FREM1: variants seen among roughly 807,000 people sequenced by gnomAD.
The protein encoded by FREM1 is FRAS1 related extracellular matrix 1.
In FREM1, 220 loss-of-function variants were observed where a neutral mutation model predicts 210.1. That is an observed-to-expected ratio of 1.05 (90% CI 0.94 to 1.17). The LOEUF (loss-of-function observed/expected upper bound fraction) is 1.17, where lower values mean the gene tolerates loss of function less well. Ranked by LOEUF, FREM1 falls within the 50% of genes most tolerant of loss-of-function variation. The pLI is 0.00. For synonymous variants in FREM1, 1,189 were observed against 980.2 expected (o/e 1.21, Z -3.98); for missense variants, 3,454 against 2,675.5 (o/e 1.29, Z -6.42).
rs912876521 is a variant in FREM1, at chr9:14,823,174, T to G, written c.2323A>C (p.Asn775His). ...ATTGTACATACCTCAGGAACTTGAT[T>G]GTCCACTGGGAGGATTGTAATGTTA... is the stretch of plus-strand genomic sequence containing the variant. ...CFNITILPVDNQVPEAFTNPL... is the reference protein window; with the variant it reads ...CFNITILPVDHQVPEAFTNPL... Residue 775 changes from asparagine to histidine, a missense_variant, in exon 13 of 37, where the codon AAT (asparagine) becomes CAT (histidine). Physicochemically the swap from Asn to His is moderately conservative, Grantham distance 68 (BLOSUM62 1). Coordinates refer to ENST00000380880, the MANE Select transcript of FREM1 (RefSeq NM_001379081.2). 27 of 1,613,750 alleles carry G rather than the reference T, an allele frequency of 1.7e-5. No individual in the cohort carries two copies. The highest frequency in any genetic ancestry group is 2.3e-5 in the Non-Finnish European group (27 of 1,179,686).
At chr9:14,740,255 G>C (rs762925661) in intron 35 of FREM1, 21 bp from the exon 36 acceptor site, 58 of 1,547,288 alleles carry the variant, frequency 3.7e-5, no homozygotes, top group Non-Finnish European at 5.2e-5. Flanking sequence ...ATGAAAATGA[G>C]AGTATCAGCA....
intron 1 of FREM1, among the ~76,000 whole-genome samples, chr9:14,907,383 G>A (rs990078620): frequency 5.3e-5 from 8 of 151,958 alleles, no homozygotes; most frequent in African/African-American, 9.7e-5. Context: ...TGTTTCGCTC[G>A]GCCCCTCAAA....
Position 14,875,672 on chromosome 9 carries a change from A to G in FREM1, c.-267-6428T>C, listed in dbSNP as rs571287189. 1.6e-3 allele frequency among the ~76,000 whole-genome samples: 250 copies of G among 151,718 alleles called. 3 individuals are homozygous for G. The highest frequency in any genetic ancestry group is 0.016 in the South Asian group (79 of 4,796). ...GATCGTCTGAAGCCTTCTTCTCTCA[A>G]CTCGTCAAAGTCATTCTCCATCCAG... On this transcript the variant is annotated intron_variant, in intron 1 of 36. Transcript: ENST00000380880.
intron 10 of FREM1, among the ~76,000 whole-genome samples, chr9:14,838,489 GCACA>G (rs4008011): frequency 8.7e-5 from 13 of 150,094 alleles, no homozygotes; most frequent in South Asian, 2.1e-4. Context: ...ATGCTTGCCA[GCACA>G]CACACACACA....
At chr9:14,759,721 C>T in intron 28 of FREM1, 51 bp downstream of exon 28, 2 of 1,457,904 alleles carry the variant, frequency 1.4e-6, no homozygotes, top group Non-Finnish European at 1.8e-6. Context: ...TGAAAGACAC[C>T]AAAGAACAAC....
chr9:14,861,885 G>A (rs542951543), intron 3 of FREM1, among the ~76,000 whole-genome samples: 13 of 152,114 alleles, frequency 8.5e-5, no homozygotes, highest in Middle Eastern at 3.4e-3. Flanking sequence ...TGTTACTGAC[G>A]GTAGTCACCC....
rs764988697 is a variant in FREM1 at position 14,812,791 on chromosome 9, G to T, written c.2893+21C>A. The T allele has an allele frequency of 1.9e-6, 3 of 1,582,584 alleles. No homozygotes were observed. In the South Asian group the frequency reaches 3.5e-5, roughly 19 times the overall value. On this transcript the variant is annotated intron_variant, in intron 16 of 36. Transcript: ENST00000380880. Reference sequence around the variant, plus strand: ...CTCATGTTGCTTGCATTCCCTCACTGGTCACCATGCTGCTGCTTACCTGTG... The same window carrying T: ...CTCATGTTGCTTGCATTCCCTCACTTGTCACCATGCTGCTGCTTACCTGTG...
chr9:14,800,553 T>G (rs1163719474), intron 20 of FREM1, among the ~76,000 whole-genome samples: 1 of 152,234 alleles, frequency 6.6e-6, no homozygotes, highest in African/African-American at 2.4e-5. Flanking sequence ...GGTTCTATAT[T>G]TGTTTCAACT....
intron 13 of FREM1, 90 bp from the exon 14 acceptor site, chr9:14,819,532 T>C: frequency 1.4e-6 from 1 of 697,846 alleles, no homozygotes. Context: ...ACTTCCAGTA[T>C]TATCTTCACA....
At chr9:14,770,504 G>C (rs1847340774) in intron 26 of FREM1, 101 bp downstream of exon 26, 1 of 810,372 alleles carries the variant, frequency 1.2e-6, no homozygotes, top group African/African-American at 1.7e-5. Flanking sequence ...GCCCTGGGGA[G>C]TGTTTACCAA....
intron 1 of FREM1, among the ~76,000 whole-genome samples, chr9:14,904,114 C>CAAAAAAAAAA (rs35708320): frequency 1.4e-5 from 1 of 71,670 alleles, no homozygotes. Flanking sequence ...GACTCCGTCT[C>CAAAAAAAAAA]AAAAAAAAAA....
In FREM1 at chr9:14,836,404, T is replaced by C. The variant is rs1347737109; in HGVS notation, c.1881+5043A>G. ...TAGGATTTTTTATTGGATTTAGTGA[T>C]GCACTTTTAAATGAAACATGCTGCT... On this transcript the variant is annotated intron_variant, in intron 10 of 36. Transcript: ENST00000380880. The surrounding 1 kb of genome is among the most constrained non-coding windows in gnomAD (Gnocchi z 4.9). 1.2e-4 allele frequency among the ~76,000 whole-genome samples: 18 copies of C among 152,222 alleles called. No homozygotes were observed. Among genetic ancestry groups the C allele is most frequent in the Non-Finnish European group, 4.4e-5 (3 of 68,040 alleles).
intron 10 of FREM1, among the ~76,000 whole-genome samples, chr9:14,827,228 T>C (rs1236563198): frequency 6.6e-6 from 1 of 152,190 alleles, no homozygotes; most frequent in East Asian, 1.9e-4. Flanking sequence ...ATCAGAACAT[T>C]GGTAGACATA....
intron 5 of FREM1, 115 bp from the exon 6 acceptor site, chr9:14,851,722 G>T: frequency 1.2e-6 from 1 of 860,098 alleles, no homozygotes. Context: ...GCAGTGACCT[G>T]AAGCCTGGCT....
intron 10 of FREM1, among the ~76,000 whole-genome samples, chr9:14,833,790 G>T (rs773550525): frequency 1.3e-5 from 2 of 152,096 alleles, no homozygotes; most frequent in Non-Finnish European, 2.9e-5. Flanking sequence ...CTGGAAAAAG[G>T]CTCTTTTCTT....
intron 1 of FREM1, among the ~76,000 whole-genome samples, chr9:14,901,922 G>T (rs1277319463): frequency 1.3e-5 from 2 of 152,028 alleles, no homozygotes; most frequent in Non-Finnish European, 2.9e-5. Context: ...CTTGATCACG[G>T]ATCACTGCAG....
chr9:14,794,870 C>A (rs575146141), intron 21 of FREM1, among the ~76,000 whole-genome samples: 3 of 151,768 alleles, frequency 2.0e-5, no homozygotes, highest in South Asian at 2.1e-4. Flanking sequence ...TGGTGGCAGG[C>A]GCCTGTAGTC....
chr9:14,887,175 G>T (rs1346887564), intron 1 of FREM1, among the ~76,000 whole-genome samples: 1 of 152,106 alleles, frequency 6.6e-6, no homozygotes, highest in Non-Finnish European at 1.5e-5. Flanking sequence ...TAGAGAAAGT[G>T]GTTCTCTTCT....
At chr9:14,828,282 G>A (rs537276643) in intron 10 of FREM1, among the ~76,000 whole-genome samples, 1 of 152,226 alleles carries the variant, frequency 6.6e-6, no homozygotes, top group Non-Finnish European at 1.5e-5. Context: ...CAGAGTCAAA[G>A]AAGATTATTC....
Sources: allele counts gnomAD v4.1 joint callset (sites outside exome capture counted in the v4.1 genomes callset), GRCh38; gene constraint gnomAD v4.1.1; non-coding constraint Gnocchi (gnomAD v3.1); transcripts MANE v1.5; gene names NCBI Gene and HGNC (gene_info 2026-07-23, HGNC 2026-07-21).